Variants in MFHAS1 observed in about 807,000 individuals in gnomAD.
MFHAS1 encodes multifunctional ROCO family signaling regulator 1.
Under a neutral mutation model 70.4 loss-of-function variants are expected in MFHAS1, and 50 were observed. That is an observed-to-expected ratio of 0.71 (90% CI 0.57 to 0.90). The LOEUF (loss-of-function observed/expected upper bound fraction) is 0.90. Ranked by LOEUF, MFHAS1 falls within the 40% of genes least tolerant of loss-of-function variation. The probability of loss-of-function intolerance (pLI) is 0.00; values close to 1 mark genes in which losing one functional copy is unlikely to be tolerated. For synonymous variants in MFHAS1, 952 were observed against 620.0 expected (o/e 1.54, Z -7.96); for missense variants, 1,795 against 1,347.6 (o/e 1.33, Z -5.20).
At chr8:8,824,482 G>T (rs532923387) in intron 1 of MFHAS1, among the ~76,000 whole-genome samples, 2 of 144,286 alleles carry the variant, frequency 1.4e-5, no homozygotes, top group South Asian at 4.6e-4. Flanking sequence ...TAGGGTGAGG[G>T]CTTAAAGGGC....
chr8:8,890,753 G>T lies in MFHAS1; in HGVS notation c.2306C>A (p.Pro769His). The T allele has an allele frequency of 6.2e-7, 1 of 1,613,884 alleles. No homozygotes were observed. The highest frequency in any genetic ancestry group is 2.2e-5 in the East Asian group (1 of 44,886). ...EGKAEGESSPPMARSTPSQEL... is the reference protein window; with the variant it reads ...EGKAEGESSPHMARSTPSQEL... ...CTGGCTGGGGGTGGACCGCGCCATG[G>T]GCGGGGAGCTTTCCCCCTCCGCCTT... Residue 769 changes from proline to histidine, a missense_variant, in exon 1 of 3, where the codon CCC (proline) becomes CAC (histidine). Pro to His is a moderately conservative substitution (Grantham distance 77, BLOSUM62 -2). Transcript: ENST00000276282.
chr8:8,879,690 G>C (rs1440481758), intron 1 of MFHAS1, among the ~76,000 whole-genome samples: 8 of 152,106 alleles, frequency 5.3e-5, no homozygotes, highest in Non-Finnish European at 1.2e-4. Flanking sequence ...TTCTCCATAT[G>C]GGGTCAGATT....
At chr8:8,796,983 G>C (rs543947044) in intron 2 of MFHAS1, among the ~76,000 whole-genome samples, 2 of 152,014 alleles carry the variant, frequency 1.3e-5, no homozygotes, top group African/African-American at 2.4e-5. Context: ...GTGACAGAGC[G>C]AGACTCCATC....
chr8:8,792,525 G>C (rs1057007469), intron 2 of MFHAS1, among the ~76,000 whole-genome samples: 1 of 152,092 alleles, frequency 6.6e-6, no homozygotes, highest in Non-Finnish European at 1.5e-5. Context: ...AGAATTGCTT[G>C]AACCCAGGAG....
chr8:8,796,325 C>T (rs888031174), intron 2 of MFHAS1, among the ~76,000 whole-genome samples: 2 of 152,190 alleles, frequency 1.3e-5, no homozygotes, highest in African/African-American at 4.8e-5. Context: ...TTTCTGCAGG[C>T]TTTGCTCATG....
intron 1 of MFHAS1, among the ~76,000 whole-genome samples, chr8:8,862,538 C>G (rs566303587): frequency 1.8e-4 from 28 of 151,742 alleles, no homozygotes; most frequent in Non-Finnish European, 4.0e-4. Context: ...TATTTAGTTT[C>G]TATGCTAAAA....
chr8:8,879,180 C>G (rs1809411016), intron 1 of MFHAS1, among the ~76,000 whole-genome samples: 2 of 152,218 alleles, frequency 1.3e-5, no homozygotes, highest in South Asian at 4.2e-4. Context: ...GAAACCCCGT[C>G]TCTACTAAAA....
intron 1 of MFHAS1, among the ~76,000 whole-genome samples, chr8:8,830,067 GACC>G (rs1279281240): frequency 3.9e-5 from 6 of 152,108 alleles, no homozygotes; most frequent in African/African-American, 1.4e-4. Flanking sequence ...CTAGTCCAGG[GACC>G]ACATTTGAAA....
intron 1 of MFHAS1, among the ~76,000 whole-genome samples, chr8:8,827,120 T>C (rs961747593): frequency 8.5e-5 from 13 of 152,252 alleles, no homozygotes; most frequent in Non-Finnish European, 1.5e-5. Flanking sequence ...TTTAGTATCC[T>C]GAACCTTTCC....
At chr8:8,789,297 C>T (rs956372160) in intron 2 of MFHAS1, among the ~76,000 whole-genome samples, 2 of 152,210 alleles carry the variant, frequency 1.3e-5, no homozygotes, top group Admixed American at 6.5e-5. Context: ...GGACTCCTAG[C>T]TTGGAGCCGA....
intron 1 of MFHAS1, among the ~76,000 whole-genome samples, chr8:8,866,713 AAC>A (rs1808871760): frequency 6.6e-6 from 1 of 152,196 alleles, no homozygotes; most frequent in Non-Finnish European, 1.5e-5. Context: ...CATTCTCATA[AAC>A]AGTGATTGAC....
chr8:8,792,941 A>G (rs574681667), intron 2 of MFHAS1, among the ~76,000 whole-genome samples: 122 of 152,360 alleles, frequency 8.0e-4, no homozygotes, highest in African/African-American at 2.7e-3. Context: ...TTAAATGCAG[A>G]TATCCTTGAA....
intron 1 of MFHAS1, among the ~76,000 whole-genome samples, chr8:8,799,041 C>A (rs1054874717): frequency 1.4e-5 from 2 of 147,796 alleles, no homozygotes; most frequent in South Asian, 4.3e-4. Context: ...GAGTGAGAAT[C>A]TGTCTCAACA....
At chr8:8,803,604 C>CA (rs34140883) in intron 1 of MFHAS1, among the ~76,000 whole-genome samples, 71,850 of 151,326 alleles carry the variant, frequency 0.47, 18,310 homozygotes, top group East Asian at 0.84. Context: ...ATTCCCTAAA[C>CA]AAAATAGTAT....
intron 1 of MFHAS1, among the ~76,000 whole-genome samples, chr8:8,833,037 G>A (rs971970021): frequency 6.6e-6 from 1 of 152,126 alleles, no homozygotes; most frequent in South Asian, 2.1e-4. Context: ...TCATCACAGA[G>A]GGCAACGGGG....
At chr8:8,885,310 AT>A (rs1809712147) in intron 1 of MFHAS1, among the ~76,000 whole-genome samples, 3 of 152,336 alleles carry the variant, frequency 2.0e-5, no homozygotes, top group South Asian at 4.1e-4. Context: ...ATTTTTTAAA[AT>A]GACCTTAAAT....
At chr8:8,887,992 A>T (rs1397285873) in intron 1 of MFHAS1, among the ~76,000 whole-genome samples, 1 of 152,132 alleles carries the variant, frequency 6.6e-6, no homozygotes, top group Admixed American at 6.6e-5. Context: ...TTGGATTAAG[A>T]ATGGCTTCAG....
intron 1 of MFHAS1, among the ~76,000 whole-genome samples, chr8:8,866,654 G>A (rs147765189): frequency 2.5e-4 from 38 of 152,242 alleles, no homozygotes; most frequent in Admixed American, 9.8e-4. Context: ...AAAAGGATCC[G>A]TGATACAAAA....
chr8:8,868,066 A>C (rs1808929791), intron 1 of MFHAS1, among the ~76,000 whole-genome samples: 1 of 151,992 alleles, frequency 6.6e-6, no homozygotes, highest in East Asian at 1.9e-4. Context: ...TTTATCATTT[A>C]TTATAATAAG....
Sources: allele counts gnomAD v4.1 joint callset (sites outside exome capture counted in the v4.1 genomes callset), GRCh38; gene constraint gnomAD v4.1.1; transcripts MANE v1.5; gene names NCBI Gene and HGNC (gene_info 2026-07-23, HGNC 2026-07-21).